Variants in SYNE1 observed in about 807,000 individuals in gnomAD.
SYNE1 encodes the protein spectrin repeat containing nuclear envelope protein 1.
A neutral mutation model predicts 1,111.0 loss-of-function variants in SYNE1; 616 were observed. The observed-to-expected ratio is 0.55, with a 90% CI of 0.52 to 0.59. The LOEUF (loss-of-function observed/expected upper bound fraction) is 0.59. Ranked by LOEUF, SYNE1 falls within the 20% of genes least tolerant of loss-of-function variation. The probability of loss-of-function intolerance (pLI) is 0.00; values close to 1 mark genes in which losing one functional copy is unlikely to be tolerated. For missense variants in SYNE1, 10,006 were observed against 10,417.0 expected (o/e 0.96, Z 1.72); for synonymous variants, 3,855 against 3,825.8 (o/e 1.01, Z -0.28).
intron 14 of SYNE1, among the ~76,000 whole-genome samples, chr6:152,480,500 G>A (rs562857232): frequency 1.2e-4 from 19 of 152,314 alleles, no homozygotes; most frequent in Admixed American, 4.6e-4. Flanking sequence ...CAGTCTGAGA[G>A]TGACAAAGCG....
In SYNE1 at chr6:152,454,536, A is replaced by T. The variant is rs1179277637; in HGVS notation, c.2893-816T>A. ...CCCTTCTCCAGAACTGTGAGAACAT[A>T]AGTTTCTGTTGCTTTAGCCACCCGT... On this transcript the variant is annotated intron_variant, in intron 24 of 145. Coordinates refer to ENST00000367255, the MANE Select transcript of SYNE1 (RefSeq NM_182961.4). Among the ~76,000 whole-genome samples the T allele has an allele frequency of 2.0e-5, 3 of 152,328 alleles. No homozygotes were observed. The East Asian group carries it at 5.8e-4, about 29-fold the overall frequency.
intron 115 of SYNE1, 98 bp downstream of exon 115, chr6:152,230,449 A>T (rs1474942032): frequency 1.5e-6 from 2 of 1,294,948 alleles, no homozygotes; most frequent in Non-Finnish European, 2.2e-6. Flanking sequence ...TTAAATATTT[A>T]AAAAAATATT....
At chr6:152,198,042 G>A (rs2074542922) in intron 127 of SYNE1, among the ~76,000 whole-genome samples, 1 of 140,072 alleles carries the variant, frequency 7.1e-6, no homozygotes, top group African/African-American at 2.6e-5. Flanking sequence ...AGGAAGGAAG[G>A]TTAAAAGGAA....
chr6:152,325,180 G>T lies in SYNE1; in HGVS notation c.15561C>A (p.Thr5187=), dbSNP rs780148867. The T allele has an allele frequency of 1.2e-6, 2 of 1,614,156 alleles. No homozygotes were observed. Among genetic ancestry groups the T allele is most frequent in the Admixed American group, 1.7e-5 (1 of 60,024 alleles). The change falls in exon 81 of 146, where the codon ACC becomes ACA. Residue 5187 remains threonine (T), a synonymous_variant. Transcript: ENST00000367255. ...SKATLSRSMT[T]VWQRWTRLRA... is the part of the protein sequence containing the mutation. ...GAAGGCGTGTCCAGCGCTGCCAGAC[G>T]GTGGTCATTGACCTGCTCAGGGTGG... is the stretch of plus-strand genomic sequence containing the variant.
chr6:152,505,128 G>A (rs762003404), intron 9 of SYNE1, 73 bp downstream of exon 9: 71 of 1,515,944 alleles, frequency 4.7e-5, no homozygotes, highest in Non-Finnish European at 6.4e-5. Flanking sequence ...TGGAAGTCAT[G>A]TGTATTTCTG....
chr6:152,319,517 A>G (rs2095820187), intron 84 of SYNE1, among the ~76,000 whole-genome samples: 1 of 152,240 alleles, frequency 6.6e-6, no homozygotes, highest in Non-Finnish European at 1.5e-5. Context: ...ATGCCAACCA[A>G]GCATTAAGTA....
chr6:152,298,528 G>A (rs1181393873), intron 93 of SYNE1, among the ~76,000 whole-genome samples: 15 of 152,122 alleles, frequency 9.9e-5, no homozygotes, highest in Middle Eastern at 3.4e-3. Flanking sequence ...GTTATATAAC[G>A]GAGATCTACT....
chr6:152,298,570 T>C (rs2095007709), intron 93 of SYNE1, among the ~76,000 whole-genome samples: 1 of 152,142 alleles, frequency 6.6e-6, no homozygotes, highest in East Asian at 1.9e-4. Context: ...ACCTTTTTTT[T>C]TTTTAACAAC....
chr6:152,135,054 T>C (rs750428191), intron 142 of SYNE1, 50 bp downstream of exon 142: 14 of 1,613,364 alleles, frequency 8.7e-6, no homozygotes, highest in African/African-American at 4.0e-5. Context: ...GTAAATGAAA[T>C]GCAACCCTGC....
intron 3 of SYNE1, among the ~76,000 whole-genome samples, chr6:152,615,573 A>G (rs910794913): frequency 1.3e-5 from 2 of 152,218 alleles, no homozygotes; most frequent in African/African-American, 4.8e-5. Flanking sequence ...CAGTTGAGAC[A>G]TATTTCATAA....
intron 10 of SYNE1, among the ~76,000 whole-genome samples, chr6:152,499,725 C>G (rs1288449547): frequency 6.6e-6 from 1 of 152,102 alleles, no homozygotes; most frequent in Non-Finnish European, 1.5e-5. Flanking sequence ...TGTTTATGTA[C>G]TACATGACAA....
At chr6:152,202,588 C>T (rs2075734589) in intron 126 of SYNE1, among the ~76,000 whole-genome samples, 1 of 151,902 alleles carries the variant, frequency 6.6e-6, no homozygotes, top group African/African-American at 2.4e-5. Flanking sequence ...TATTGGAGCC[C>T]AAAGGAAGCA....
At chr6:152,569,012 A>T (rs1208695783) in intron 3 of SYNE1, among the ~76,000 whole-genome samples, 1 of 152,208 alleles carries the variant, frequency 6.6e-6, no homozygotes, top group Non-Finnish European at 1.5e-5. Context: ...AACTCTTATA[A>T]TGAAGATTAA....
Position 152,540,031 on chromosome 6 carries a change from A to C in SYNE1, c.68-10T>G. ...ACTATCTCTTGCTCATCTAGAAGGA[A>C]AAAGAAATCTGGTTAAATAATGTAA... On this transcript the variant is annotated splice_polypyrimidine_tract_variant and intron_variant, in intron 3 of 145. Transcript: ENST00000367255. The C allele has an allele frequency of 6.2e-7, 1 of 1,613,092 alleles. No homozygotes were observed. The highest frequency in any genetic ancestry group is 8.5e-7 in the Non-Finnish European group (1 of 1,179,200).
chr6:152,543,414 T>C (rs1481395240), intron 3 of SYNE1, among the ~76,000 whole-genome samples: 1 of 152,206 alleles, frequency 6.6e-6, no homozygotes, highest in Non-Finnish European at 1.5e-5. Context: ...ACCCTCATTT[T>C]TTATGTAAAA....
chr6:152,526,149 A>T lies in SYNE1; in HGVS notation c.156T>A (p.Asp52Glu), dbSNP rs139156106. The change falls in exon 5 of 146, where the codon GAT becomes GAA. Residue 52 changes from aspartate (D) to glutamate (E), a missense_variant. Coordinates refer to ENST00000367255, the MANE Select transcript of SYNE1 (RefSeq NM_182961.4). ...CACCATCTTTCATGTCTTCAAAAAGATCGTCCACCACCATTGGAGGTTTCC... is the reference window on the plus strand; with the variant it reads ...CACCATCTTTCATGTCTTCAAAAAGTTCGTCCACCACCATTGGAGGTTTCC... ...AKRKPPMVVD[D>E]LFEDMKDGVK... 5 of 1,614,036 alleles carry T rather than the reference A, an allele frequency of 3.1e-6. No homozygotes were observed. Among genetic ancestry groups the T allele is most frequent in the Non-Finnish European group, 4.2e-6 (5 of 1,180,002 alleles).
intron 98 of SYNE1, among the ~76,000 whole-genome samples, chr6:152,276,030 C>T (rs9397497): frequency 0.043 from 3,630 of 84,084 alleles, 214 homozygotes; most frequent in East Asian, 0.11. Flanking sequence ...TTCTCGACTT[C>T]TTTTTTTTTT....
At chr6:152,188,981 AAAAATATATATATATATAT>A (rs2071278708) in intron 128 of SYNE1, among the ~76,000 whole-genome samples, 1 of 38,302 alleles carries the variant, frequency 2.6e-5, no homozygotes, top group Admixed American at 2.6e-4. Flanking sequence ...AAAAAAAAAA[AAAAATATATATATATATAT>A]ATATATATAT....
intron 40 of SYNE1, among the ~76,000 whole-genome samples, 179 bp from the exon 41 acceptor site, chr6:152,417,194 T>C (rs1201491049): frequency 2.0e-5 from 3 of 152,192 alleles, no homozygotes; most frequent in African/African-American, 7.2e-5. Context: ...TGATCCACAT[T>C]TGTTAAATAA....
Sources: allele counts gnomAD v4.1 joint callset (sites outside exome capture counted in the v4.1 genomes callset), GRCh38; gene constraint gnomAD v4.1.1; transcripts MANE v1.5; gene names NCBI Gene and HGNC (gene_info 2026-07-23, HGNC 2026-07-21).